Variants in ZMAT4 observed in about 807,000 individuals in gnomAD.
ZMAT4 encodes the protein zinc finger matrin-type protein 4.
ZMAT4 carries 17 observed loss-of-function variants against 28.7 expected under a neutral mutation model. That is an observed-to-expected ratio of 0.59 (90% CI 0.41 to 0.89). The LOEUF is 0.89. ZMAT4 is among the 40% of genes least tolerant of loss of function. The probability of loss-of-function intolerance (pLI) is 0.00; values close to 1 mark genes in which losing one functional copy is unlikely to be tolerated. For missense variants in ZMAT4, 240 were observed against 283.8 expected, an observed-to-expected ratio of 0.85 and a Z score of 1.11; for synonymous variants, 117 against 109.2, an observed-to-expected ratio of 1.07 and a Z score of -0.44.
chr8:40,641,376 G>A (rs1253987607), intron 5 of ZMAT4, among the ~76,000 whole-genome samples: 1 of 152,138 alleles, frequency 6.6e-6, no homozygotes, highest in African/African-American at 2.4e-5. Flanking sequence ...TTTTGGTTAG[G>A]TGACTTTCCA....
chr8:40,637,102 A>AG (rs1345781302), intron 5 of ZMAT4, among the ~76,000 whole-genome samples: 1 of 151,820 alleles, frequency 6.6e-6, no homozygotes, highest in Non-Finnish European at 1.5e-5. Context: ...TTAAAAAAAA[A>AG]AAAACTCTGT....
intron 3 of ZMAT4, among the ~76,000 whole-genome samples, chr8:40,755,444 A>C (rs189905466): frequency 4.6e-5 from 7 of 152,168 alleles, no homozygotes; most frequent in Admixed American, 2.0e-4. Context: ...ATGAATATTA[A>C]TATTTGAATT....
chr8:40,851,942 G>T (rs1817122981), intron 1 of ZMAT4, among the ~76,000 whole-genome samples: 2 of 152,108 alleles, frequency 1.3e-5, no homozygotes, highest in Non-Finnish European at 2.9e-5. Flanking sequence ...TGTTGCCCAG[G>T]CTGGAGTGGA....
chr8:40,843,165 T>G (rs1490679605), intron 1 of ZMAT4, among the ~76,000 whole-genome samples: 1 of 152,234 alleles, frequency 6.6e-6, no homozygotes, highest in Non-Finnish European at 1.5e-5. Context: ...AGAAGCAATT[T>G]TGGTTTCCTT....
At chr8:40,661,023 A>T (rs977427518) in intron 5 of ZMAT4, among the ~76,000 whole-genome samples, 1 of 152,216 alleles carries the variant, frequency 6.6e-6, no homozygotes, top group Non-Finnish European at 1.5e-5. Flanking sequence ...CCTGTTAAAC[A>T]GTAGGTGCTT....
intron 3 of ZMAT4, among the ~76,000 whole-genome samples, chr8:40,756,450 A>ATATATATATATATATATATC: frequency 7.7e-6 from 1 of 130,612 alleles, no homozygotes; most frequent in South Asian, 2.6e-4. Flanking sequence ...ATATATATAT[A>ATATATATATATATATATATC]TATATATACA....
At chr8:40,823,378 G>A (rs1026453743) in intron 2 of ZMAT4, among the ~76,000 whole-genome samples, 1 of 152,110 alleles carries the variant, frequency 6.6e-6, no homozygotes, top group African/African-American at 2.4e-5. Flanking sequence ...AAAAAATCTG[G>A]CCGGACACGG....
intron 6 of ZMAT4, among the ~76,000 whole-genome samples, chr8:40,551,738 T>C (rs1028496313): frequency 3.3e-5 from 5 of 152,220 alleles, no homozygotes; most frequent in African/African-American, 1.2e-4. Flanking sequence ...GTCTCTCACT[T>C]AGGTAGATGC....
At chr8:40,863,019 A>T (rs1035238508) in intron 1 of ZMAT4, among the ~76,000 whole-genome samples, 1 of 152,162 alleles carries the variant, frequency 6.6e-6, no homozygotes, top group African/African-American at 2.4e-5. Context: ...GCAAAGGACT[A>T]ATGGTTGGAA....
chr8:40,881,441 A>G lies in ZMAT4; in HGVS notation c.-5+16242T>C, dbSNP rs201056793. The stretch of plus-strand genomic sequence containing the variant: ...AAGAAAAAGAAGAAAGAGAGAAAGA[A>G]AGAAAGAAAGAAAGAAAGAAAGAAA... On this transcript the variant is annotated intron_variant, in intron 1 of 6. Transcript: ENST00000297737. Among the ~76,000 whole-genome samples, 18 of 82,268 alleles carry G rather than the reference A, an allele frequency of 2.2e-4. 1 individual carries two copies. Among genetic ancestry groups the G allele is most frequent in the African/African-American group, 7.7e-4 (15 of 19,506 alleles). 54.0% of individuals were successfully genotyped at this position (82,268 alleles called of 152,430 possible). A position where few individuals can be genotyped will look rare whatever the true frequency, so the allele number is the denominator to read the frequency against.
chr8:40,598,640 T>C (rs760258462), intron 5 of ZMAT4, among the ~76,000 whole-genome samples: 4 of 152,236 alleles, frequency 2.6e-5, no homozygotes, highest in Non-Finnish European at 5.9e-5. Context: ...TGGTTCCAAG[T>C]CTTTGCTCTT....
intron 6 of ZMAT4, among the ~76,000 whole-genome samples, chr8:40,542,416 T>C (rs535725411): frequency 2.6e-5 from 4 of 152,242 alleles, no homozygotes; most frequent in Admixed American, 6.5e-5. Context: ...AGAGACAGGA[T>C]CTCACTCTGT....
rs34475226 is a variant in ZMAT4 at position 40,741,446 on chromosome 8, C to CAA, written c.192+26193_192+26194dup. On this transcript the variant is annotated intron_variant, in intron 3 of 6. Transcript: ENST00000297737. Reference sequence around the variant, plus strand: ...TGGACGAAAGAGCGGAAGTCTGTCTCAAAAAAAAAAAAAAAGACATAAACG... The same window carrying CAA: ...TGGACGAAAGAGCGGAAGTCTGTCTCAAAAAAAAAAAAAAAAAGACATAAACG... Among the ~76,000 whole-genome samples the CAA allele has an allele frequency of 4.3e-3, 508 of 118,422 alleles. 2 individuals carry two copies. Among genetic ancestry groups the CAA allele is most frequent in the African/African-American group, 0.015 (457 of 31,266 alleles). 77.7% of individuals were successfully genotyped at this position (118,422 alleles called of 152,430 possible). A position where few individuals can be genotyped will look rare whatever the true frequency, so the allele number is the denominator to read the frequency against.
intron 5 of ZMAT4, among the ~76,000 whole-genome samples, chr8:40,616,374 T>C (rs1806006048): frequency 6.6e-6 from 1 of 152,202 alleles, no homozygotes; most frequent in Non-Finnish European, 1.5e-5. Context: ...GACCCAGCCA[T>C]CCCATTACTG....
intron 1 of ZMAT4, among the ~76,000 whole-genome samples, chr8:40,881,524 G>C (rs1818246104): frequency 4.1e-5 from 2 of 48,238 alleles, no homozygotes; most frequent in Non-Finnish European, 8.1e-5. Context: ...GGGAGAGAGA[G>C]AGACAGAAAG....
At chr8:40,849,712 A>AT (rs1817033500) in intron 1 of ZMAT4, among the ~76,000 whole-genome samples, 1 of 152,146 alleles carries the variant, frequency 6.6e-6, no homozygotes, top group Non-Finnish European at 1.5e-5. Flanking sequence ...ATGATCTTTT[A>AT]TTATGTGCGT....
At chr8:40,818,992 A>G (rs1815646874) in intron 2 of ZMAT4, among the ~76,000 whole-genome samples, 1 of 152,188 alleles carries the variant, frequency 6.6e-6, no homozygotes, top group Non-Finnish European at 1.5e-5. Flanking sequence ...ATCACTACCC[A>G]CAGGACACTT....
At chr8:40,580,711 A>C (rs955588025) in intron 6 of ZMAT4, among the ~76,000 whole-genome samples, 4 of 152,164 alleles carry the variant, frequency 2.6e-5, no homozygotes, top group Non-Finnish European at 4.4e-5. Flanking sequence ...TTGTATATAA[A>C]TGTCATTGTA....
intron 2 of ZMAT4, among the ~76,000 whole-genome samples, chr8:40,785,566 A>C (rs1337962599): frequency 6.6e-6 from 1 of 152,190 alleles, no homozygotes; most frequent in East Asian, 1.9e-4. Context: ...TGTCTTTCTC[A>C]AACACATGGT....
Sources: allele counts gnomAD v4.1 joint callset (sites outside exome capture counted in the v4.1 genomes callset), GRCh38; gene constraint gnomAD v4.1.1; transcripts MANE v1.5; gene names NCBI Gene and HGNC (gene_info 2026-07-23, HGNC 2026-07-21).